The following ATRNL1 variants were observed in gnomAD, a reference collection of about 807,000 sequenced individuals.
ATRNL1 encodes attractin like 1.
A neutral mutation model predicts 182.7 loss-of-function variants in ATRNL1; 95 were observed. The observed-to-expected ratio is 0.52, with a 90% CI of 0.44 to 0.62. ATRNL1 has a LOEUF of 0.62. Among genes scored for constraint, ATRNL1 ranks in the 20% least tolerant of loss-of-function variants. The probability of loss-of-function intolerance (pLI) is 0.00; values close to 1 mark genes in which losing one functional copy is unlikely to be tolerated. For synonymous variants in ATRNL1, 576 were observed against 568.3 expected, an observed-to-expected ratio of 1.01 and a Z score of -0.19; for missense variants, 1,471 against 1,679.5, an observed-to-expected ratio of 0.88 and a Z score of 2.17.
chr10:115,856,474 ATCTAT>A (rs1951191047), intron 28 of ATRNL1, among the ~76,000 whole-genome samples: 1 of 142,904 alleles, frequency 7.0e-6, no homozygotes, highest in Non-Finnish European at 1.5e-5. Flanking sequence ...TTCGTTGTGA[ATCTAT>A]TCTTTGCACC....
chr10:115,214,039 T>G (rs1849129106), intron 8 of ATRNL1, among the ~76,000 whole-genome samples: 1 of 58,914 alleles, frequency 1.7e-5, no homozygotes, highest in Non-Finnish European at 3.5e-5. Context: ...AGTACAAATA[T>G]GTACACACAC....
At chr10:115,203,829 C>G (rs1394552613) in intron 8 of ATRNL1, among the ~76,000 whole-genome samples, 1 of 149,354 alleles carries the variant, frequency 6.7e-6, no homozygotes, top group African/African-American at 2.5e-5. Flanking sequence ...ACTCCTGGCC[C>G]CAAGTGATCC....
chr10:115,209,052 C>A (rs528859689), intron 8 of ATRNL1, among the ~76,000 whole-genome samples: 69 of 151,578 alleles, frequency 4.6e-4, no homozygotes, highest in African/African-American at 1.3e-3. Context: ...AAAAATGACT[C>A]AAATATAACA....
intron 17 of ATRNL1, 116 bp downstream of exon 17, chr10:115,302,159 T>TA (rs1328845428): frequency 7.7e-6 from 8 of 1,043,168 alleles, no homozygotes; most frequent in Non-Finnish European, 1.1e-5. Flanking sequence ...AAAATATTGT[T>TA]ACGGCTACTT....
chr10:115,379,596 G>T (rs1426655337), intron 19 of ATRNL1, among the ~76,000 whole-genome samples: 2 of 152,058 alleles, frequency 1.3e-5, no homozygotes, highest in Non-Finnish European at 2.9e-5. Context: ...ATGAAACTTT[G>T]CAGATTAATA....
chr10:115,891,064 A>G (rs548275120), intron 28 of ATRNL1, among the ~76,000 whole-genome samples: 1 of 152,276 alleles, frequency 6.6e-6, no homozygotes, highest in South Asian at 2.1e-4. Flanking sequence ...CAGCATTAAC[A>G]GACATTTTAT....
intron 26 of ATRNL1, among the ~76,000 whole-genome samples, chr10:115,571,268 G>T (rs562308946): frequency 1.3e-5 from 2 of 152,232 alleles, no homozygotes; most frequent in East Asian, 1.9e-4. Flanking sequence ...AGACATAAAC[G>T]TGTGGAAAAA....
intron 10 of ATRNL1, among the ~76,000 whole-genome samples, chr10:115,260,821 A>G (rs1554908621): frequency 6.6e-6 from 1 of 152,176 alleles, no homozygotes; most frequent in African/African-American, 2.4e-5. Context: ...ATAAAGTATT[A>G]TGAATAATGG....
intron 24 of ATRNL1, among the ~76,000 whole-genome samples, chr10:115,503,102 G>T (rs1011930995): frequency 1.3e-5 from 2 of 151,974 alleles, no homozygotes; most frequent in African/African-American, 4.8e-5. Context: ...TTTAGACTCA[G>T]GATTTAAAAC....
intron 10 of ATRNL1, among the ~76,000 whole-genome samples, chr10:115,257,852 C>A (rs4540767): frequency 6.6e-6 from 1 of 152,182 alleles, no homozygotes; most frequent in Admixed American, 6.5e-5. Flanking sequence ...GATTTTATTT[C>A]TCCTTCACTT....
At chr10:115,232,614 A>G (rs1469625980) in intron 9 of ATRNL1, among the ~76,000 whole-genome samples, 3 of 152,108 alleles carry the variant, frequency 2.0e-5, no homozygotes, top group African/African-American at 4.8e-5. Flanking sequence ...CTTAAATAAT[A>G]CTTACTTACC....
At chr10:115,537,145 G>T (rs1436219932) in intron 25 of ATRNL1, among the ~76,000 whole-genome samples, 1 of 152,184 alleles carries the variant, frequency 6.6e-6, no homozygotes. Context: ...AACTGTTCTT[G>T]TAAACCAAAA....
chr10:115,599,856 T>C (rs1856493796), intron 26 of ATRNL1, among the ~76,000 whole-genome samples: 1 of 152,152 alleles, frequency 6.6e-6, no homozygotes, highest in African/African-American at 2.4e-5. Context: ...ATAACGCAAC[T>C]GATTTTAACT....
At chr10:115,521,175 A>T (rs1043220453) in intron 25 of ATRNL1, among the ~76,000 whole-genome samples, 1 of 103,744 alleles carries the variant, frequency 9.6e-6, no homozygotes, top group Admixed American at 9.0e-5. Context: ...GTTGTTGTTG[A>T]GACAGGGTCT....
At chr10:115,573,129 G>T (rs782243636) in intron 26 of ATRNL1, among the ~76,000 whole-genome samples, 5 of 152,188 alleles carry the variant, frequency 3.3e-5, no homozygotes, top group Non-Finnish European at 7.3e-5. Flanking sequence ...AGGCATCTTG[G>T]AAGAATTGGA....
At chr10:115,662,771 A>C (rs1253670903) in intron 26 of ATRNL1, among the ~76,000 whole-genome samples, 5 of 152,110 alleles carry the variant, frequency 3.3e-5, no homozygotes, top group Non-Finnish European at 5.9e-5. Context: ...TTGATGGCAA[A>C]TTGATTTTCA....
intron 26 of ATRNL1, among the ~76,000 whole-genome samples, chr10:115,724,358 G>A (rs905809649): frequency 1.3e-5 from 2 of 152,050 alleles, no homozygotes; most frequent in Non-Finnish European, 2.9e-5. Flanking sequence ...AGCAAAATGT[G>A]TCACTGTTGC....
chr10:115,530,323 C>T (rs138620252), intron 25 of ATRNL1, among the ~76,000 whole-genome samples: 2 of 152,180 alleles, frequency 1.3e-5, no homozygotes, highest in East Asian at 3.9e-4. Context: ...GAAGATGTAT[C>T]ATTTTATAAT....
At chr10:115,894,336 A>G (rs1481323326) in intron 28 of ATRNL1, among the ~76,000 whole-genome samples, 1 of 152,174 alleles carries the variant, frequency 6.6e-6, no homozygotes, top group African/African-American at 2.4e-5. Flanking sequence ...TGAACTTGCT[A>G]GCCTTGCCAC....
Sources: gnomAD v4.1 joint callset for allele counts (sites outside exome capture counted in the v4.1 genomes callset) on GRCh38, gnomAD v4.1.1 for gene constraint, MANE v1.5 for transcripts, NCBI Gene and HGNC (gene_info 2026-07-23, HGNC 2026-07-21) for gene names.